Variants in NEDD9 observed in about 807,000 individuals in gnomAD.
NEDD9 encodes the protein enhancer of filamentation 1.
In NEDD9, 26 loss-of-function variants were observed where a neutral mutation model predicts 76.6. The observed-to-expected ratio is 0.34, with a 90% CI of 0.25 to 0.47. The LOEUF is 0.47. NEDD9 is among the 20% of genes least tolerant of loss of function. The pLI, the probability that NEDD9 is intolerant of heterozygous loss-of-function variation, is 1.00. For missense variants in NEDD9, 937 were observed against 1,058.5 expected (o/e 0.89, Z 1.59); for synonymous variants, 392 against 414.2 (o/e 0.95, Z 0.65).
rs532301418 is a variant in NEDD9 at position 11,218,161 on chromosome 6, G to T, written c.13-4434C>A. Among the ~76,000 whole-genome samples, 48 of 152,206 alleles carry T rather than the reference G, an allele frequency of 3.2e-4. No homozygotes were observed. The South Asian group carries it at 9.3e-3, about 30-fold the overall frequency. On this transcript the variant is annotated intron_variant, in intron 1 of 6. Transcript: ENST00000379446. ...CAGTCCCTTATATCCAGTCTAATGG[G>T]CATCTTCCTCTCTAAAAGCAAGTGC... is the stretch of plus-strand genomic sequence containing the variant.
chr6:11,215,193 C>T (rs1457642124), intron 1 of NEDD9, among the ~76,000 whole-genome samples: 2 of 152,074 alleles, frequency 1.3e-5, no homozygotes, highest in African/African-American at 4.8e-5. Flanking sequence ...TTAGCCAGGG[C>T]AATTAAAAGA....
intron 5 of NEDD9, 73 bp from the exon 6 acceptor site, chr6:11,188,380 G>C: frequency 8.0e-7 from 1 of 1,243,876 alleles, no homozygotes; most frequent in Non-Finnish European, 1.2e-6. Flanking sequence ...TTCATTGACG[G>C]ATGAGTAAAT....
At chr6:11,236,432 G>A (rs1759602757), upstream of NEDD9, among the ~76,000 whole-genome samples, 1 of 152,236 alleles carries the variant, frequency 6.6e-6, no homozygotes, top group Non-Finnish European at 1.5e-5. This position sits in a 1 kb window ranked among gnomAD's most constrained non-coding sequence, Gnocchi z 5.5. Flanking sequence ...AAAAAATCAA[G>A]AGGAGGCTAG....
At chr6:11,233,955 A>T (rs1759549283), upstream of NEDD9, among the ~76,000 whole-genome samples, 1 of 152,030 alleles carries the variant, frequency 6.6e-6, no homozygotes, top group Non-Finnish European at 1.5e-5. Context: ...TTCCCAATGG[A>T]TGAAAACTCT....
At chr6:11,316,026 T>G (rs915243337) in intron 2 of NEDD9, among the ~76,000 whole-genome samples, 2 of 152,222 alleles carry the variant, frequency 1.3e-5, no homozygotes, top group Non-Finnish European at 2.9e-5. Flanking sequence ...TCTGATTCTT[T>G]CTCTGGTCTT....
rs1445321340 is a variant in NEDD9 at position 11,333,986 on chromosome 6, T to TAG, written c.-153+514_-153+515insCT. On this transcript the variant is annotated intron_variant, in intron 2 of 3. Coordinates refer to the NEDD9 transcript ENST00000397378. The stretch of plus-strand genomic sequence containing the variant: ...AGGGCTTTAGCCCAAAAGTTGGGGT[T>TAG]GCTCAGTTTTTTTCCTTTCCCTCAT... Among the ~76,000 whole-genome samples the TAG allele has an allele frequency of 7.9e-5, 12 of 152,346 alleles. No homozygotes were observed. The East Asian group carries it at 1.2e-3, about 15-fold the overall frequency.
intron 3 of NEDD9, among the ~76,000 whole-genome samples, chr6:11,295,289 T>C (rs1760864493): frequency 6.6e-6 from 1 of 152,230 alleles, no homozygotes; most frequent in Non-Finnish European, 1.5e-5. Flanking sequence ...ATTGTTATTA[T>C]TGTATGAGTG....
chr6:11,285,353 A>G (rs1760625243), intron 3 of NEDD9, among the ~76,000 whole-genome samples: 1 of 152,216 alleles, frequency 6.6e-6, no homozygotes, highest in African/African-American at 2.4e-5. Context: ...AGATATAAAT[A>G]AATGGAGAGA....
intron 1 of NEDD9, among the ~76,000 whole-genome samples, chr6:11,225,839 A>G (rs1398486232): frequency 4.0e-5 from 6 of 148,254 alleles, no homozygotes; most frequent in Admixed American, 6.8e-5. Flanking sequence ...CTGGGATTTA[A>G]TAGTCCATTG....
chr6:11,206,089 T>G (rs1758608562), intron 2 of NEDD9, among the ~76,000 whole-genome samples: 1 of 152,206 alleles, frequency 6.6e-6, no homozygotes, highest in Non-Finnish European at 1.5e-5. Context: ...GTTCTGCATT[T>G]TGCACAATGT....
intron 2 of NEDD9, chr6:11,334,452 A>T (rs988467882): frequency 2.0e-5 from 3 of 152,218 alleles, no homozygotes; most frequent in Non-Finnish European, 4.4e-5. Context: ...TTCTCTATTC[A>T]TGCCACCGCT....
intron 2 of NEDD9, among the ~76,000 whole-genome samples, chr6:11,204,090 A>G (rs1758531531): frequency 6.6e-6 from 1 of 152,252 alleles, no homozygotes. Flanking sequence ...ATCATTAGAG[A>G]TAATCTAGCA....
intron 1 of NEDD9, among the ~76,000 whole-genome samples, chr6:11,374,897 T>C (rs1762946607): frequency 6.6e-6 from 1 of 152,178 alleles, no homozygotes; most frequent in Non-Finnish European, 1.5e-5. Context: ...TCCAGGAAGA[T>C]TCTTTTTTTT....
chr6:11,336,469 TA>T (rs1384464266), intron 1 of NEDD9, among the ~76,000 whole-genome samples: 1 of 152,214 alleles, frequency 6.6e-6, no homozygotes, highest in East Asian at 1.9e-4. Flanking sequence ...TGTATGTAAA[TA>T]CTTCCTACCT....
chr6:11,208,325 T>G (rs2113750652), intron 2 of NEDD9, among the ~76,000 whole-genome samples: 1 of 152,306 alleles, frequency 6.6e-6, no homozygotes, highest in African/African-American at 2.4e-5. Flanking sequence ...AAGGTGCTCA[T>G]TGATTGTATA....
chr6:11,313,946 T>G (rs527459334), intron 2 of NEDD9, among the ~76,000 whole-genome samples: 314 of 152,314 alleles, frequency 2.1e-3, no homozygotes, highest in African/African-American at 7.1e-3. Flanking sequence ...TTTTACAAGT[T>G]AAAACATATG....
At position 11,300,219 on chromosome 6, in the gene NEDD9, A is replaced by T. The variant is rs568820008; in HGVS notation, c.12+5773T>A. On this transcript the variant is annotated intron_variant, in intron 3 of 3. Coordinates refer to the NEDD9 transcript ENST00000397378. ...CATGAGAACTTCATGACTCATGCACAAGATTCAATAGCCTATTCGATCAAG... is the reference window on the plus strand; with the variant it reads ...CATGAGAACTTCATGACTCATGCACTAGATTCAATAGCCTATTCGATCAAG... 2.0e-5 allele frequency among the ~76,000 whole-genome samples: 3 copies of T among 152,382 alleles called. No homozygotes were observed. In the South Asian group the frequency reaches 6.2e-4, roughly 32 times the overall value.
At chr6:11,204,447 C>T (rs3778170) in intron 2 of NEDD9, among the ~76,000 whole-genome samples, 30,636 of 152,086 alleles carry the variant, frequency 0.2, 3,404 homozygotes, top group African/African-American at 0.25. Context: ...TTAGGCCAGG[C>T]GTGGTGGCTC....
At chr6:11,319,806 G>T (rs1233682354) in intron 2 of NEDD9, among the ~76,000 whole-genome samples, 1 of 149,180 alleles carries the variant, frequency 6.7e-6, no homozygotes, top group South Asian at 2.1e-4. Flanking sequence ...TCACACACTG[G>T]TGCACACTTG....
Sources: gnomAD v4.1 joint callset for allele counts (sites outside exome capture counted in the v4.1 genomes callset) on GRCh38, gnomAD v4.1.1 for gene constraint, Gnocchi (gnomAD v3.1) non-coding constraint, MANE v1.5 for transcripts, NCBI Gene and HGNC (gene_info 2026-07-23, HGNC 2026-07-21) for gene names.